The following FAM13A variants were observed in gnomAD, a reference collection of about 807,000 sequenced individuals.
The protein encoded by FAM13A is protein FAM13A.
FAM13A carries 76 observed loss-of-function variants against 129.6 expected under a neutral mutation model. That is an observed-to-expected ratio of 0.59 (90% confidence interval 0.49 to 0.71). The LOEUF is 0.71. Ranked by LOEUF, FAM13A falls within the 30% of genes least tolerant of loss-of-function variation. FAM13A has a pLI of 0.00. For missense variants in FAM13A, 1,108 were observed against 1,249.3 expected, an observed-to-expected ratio of 0.89 and a Z score of 1.70; for synonymous variants, 443 against 449.9, an observed-to-expected ratio of 0.98 and a Z score of 0.20.
intron 5 of FAM13A, among the ~76,000 whole-genome samples, chr4:88,919,572 G>A (rs1222321079): frequency 6.6e-6 from 1 of 152,236 alleles, no homozygotes; most frequent in Non-Finnish European, 1.5e-5. Flanking sequence ...GGGCAGCCAA[G>A]ATGGCCGAAT....
At chr4:89,052,602 C>G (rs1219010799) in intron 1 of FAM13A, among the ~76,000 whole-genome samples, 3 of 151,784 alleles carry the variant, frequency 2.0e-5, no homozygotes, top group Non-Finnish European at 4.4e-5. Flanking sequence ...TTTAAACTGC[C>G]TTTGGGGTAA....
chr4:88,909,048 T>C (rs1561307236), intron 5 of FAM13A, among the ~76,000 whole-genome samples: 1 of 152,216 alleles, frequency 6.6e-6, no homozygotes. Context: ...AATAGTAAGA[T>C]AAAACATTTT....
intron 4 of FAM13A, among the ~76,000 whole-genome samples, chr4:88,964,603 A>G (rs535955327): frequency 5.1e-4 from 78 of 151,858 alleles, no homozygotes; most frequent in Non-Finnish European, 8.5e-4. Context: ...CTAACATGTA[A>G]TGAATCACCA....
chr4:88,977,744 T>A (rs900627058), intron 4 of FAM13A, among the ~76,000 whole-genome samples: 5 of 152,178 alleles, frequency 3.3e-5, no homozygotes, highest in Non-Finnish European at 7.4e-5. Context: ...TTACTTTTTG[T>A]TTTGAAAACT....
chr4:88,735,091 G>A (rs1428613635), intron 21 of FAM13A, among the ~76,000 whole-genome samples: 1 of 152,148 alleles, frequency 6.6e-6, no homozygotes, highest in Non-Finnish European at 1.5e-5. Flanking sequence ...AGAGGAACTT[G>A]GATAACAAAT....
chr4:88,731,738 T>C, intron 22 of FAM13A: 1 of 519,116 alleles, frequency 1.9e-6, no homozygotes, highest in African/African-American at 1.9e-5. Flanking sequence ...TGTTAAGTGA[T>C]GGGCTGTGAT....
Position 88,875,071 on chromosome 4 carries a change from G to A in FAM13A, c.844-23888C>T, listed in dbSNP as rs572616501. Among the ~76,000 whole-genome samples, 6 of 152,270 alleles carry A rather than the reference G, an allele frequency of 3.9e-5. No individual in the cohort carries two copies. The East Asian group carries it at 1.2e-3, about 29-fold the overall frequency. ...TTCCCTATTTAATAAATGGTGCTGG[G>A]AAAACTGGCTAGCCATATGTAGAAA... On this transcript the variant is annotated intron_variant, in intron 6 of 23. Transcript: ENST00000264344.
At chr4:89,001,414 T>C (rs921189273) in intron 3 of FAM13A, among the ~76,000 whole-genome samples, 1 of 152,210 alleles carries the variant, frequency 6.6e-6, no homozygotes, top group African/African-American at 2.4e-5. Context: ...GAATAGTGTA[T>C]ATGTTTGGCA....
intron 7 of FAM13A, among the ~76,000 whole-genome samples, chr4:88,833,072 G>A (rs1218360256): frequency 1.3e-5 from 2 of 152,120 alleles, no homozygotes; most frequent in East Asian, 1.9e-4. Context: ...AGATCATGTC[G>A]TTTTTAGGCA....
intron 5 of FAM13A, among the ~76,000 whole-genome samples, chr4:88,930,357 A>G (rs2704604): frequency 0.75 from 113,700 of 151,948 alleles, 42,824 homozygotes; most frequent in Non-Finnish European, 0.79. Flanking sequence ...GGAGAATTTT[A>G]TTCTGAAGAT....
At chr4:88,793,531 T>TA (rs966848782) in intron 8 of FAM13A, among the ~76,000 whole-genome samples, 1 of 151,942 alleles carries the variant, frequency 6.6e-6, no homozygotes, top group Non-Finnish European at 1.5e-5. Flanking sequence ...TATAAAGCAT[T>TA]AGGAGAAGAT....
chr4:88,847,952 C>CCAAA (rs35093174), intron 7 of FAM13A, among the ~76,000 whole-genome samples: 61 of 137,040 alleles, frequency 4.5e-4, no homozygotes, highest in Middle Eastern at 3.7e-3. Flanking sequence ...GACTCTGTCC[C>CCAAA]AAAAAAAAAA....
At chr4:88,949,787 A>G (rs1305801125) in intron 4 of FAM13A, among the ~76,000 whole-genome samples, 1 of 152,174 alleles carries the variant, frequency 6.6e-6, no homozygotes, top group East Asian at 1.9e-4. Flanking sequence ...CAGGAACTCA[A>G]TTTATATTAT....
chr4:88,919,366 C>G (rs760330148), intron 5 of FAM13A, among the ~76,000 whole-genome samples: 3 of 152,164 alleles, frequency 2.0e-5, no homozygotes, highest in African/African-American at 7.2e-5. Context: ...TTATTGAATG[C>G]ACTAGAGATG....
chr4:89,044,250 G>A (rs1488837808), intron 1 of FAM13A, among the ~76,000 whole-genome samples: 2 of 152,080 alleles, frequency 1.3e-5, no homozygotes, highest in Non-Finnish European at 2.9e-5. Context: ...AGCCCAGTTC[G>A]AAAATGAACA....
At chr4:88,946,340 G>A (rs1470157767) in intron 4 of FAM13A, among the ~76,000 whole-genome samples, 1 of 148,072 alleles carries the variant, frequency 6.8e-6, no homozygotes, top group Non-Finnish European at 1.5e-5. Flanking sequence ...TAGCTATTAA[G>A]TAGCACCCTT....
chr4:89,010,096 A>C lies in FAM13A; in HGVS notation c.427+10364T>G, dbSNP rs535033380. ...TCCTTGTCGGCAATGTGTCCTGTGA[A>C]ATATAAAATAAGAGTCTTTTTCTAG... On this transcript the variant is annotated intron_variant, in intron 3 of 23. Coordinates refer to ENST00000264344, the MANE Select transcript of FAM13A (RefSeq NM_014883.4). Among the ~76,000 whole-genome samples the C allele has an allele frequency of 7.9e-5, 12 of 152,292 alleles. 1 individual carries two copies. In the South Asian group the frequency reaches 2.5e-3, roughly 32 times the overall value.
At chr4:88,890,395 A>G (rs1448350472) in intron 6 of FAM13A, among the ~76,000 whole-genome samples, 2 of 152,234 alleles carry the variant, frequency 1.3e-5, no homozygotes, top group Non-Finnish European at 2.9e-5. Context: ...ATTTCCCAGC[A>G]GTACTGATCT....
chr4:88,733,573 T>C (rs1195290034), intron 21 of FAM13A, among the ~76,000 whole-genome samples: 1 of 152,220 alleles, frequency 6.6e-6, no homozygotes, highest in Non-Finnish European at 1.5e-5. Flanking sequence ...GGACACTGGC[T>C]GTGCACATCA....
Sources: gnomAD v4.1 joint callset for allele counts (sites outside exome capture counted in the v4.1 genomes callset) on GRCh38, gnomAD v4.1.1 for gene constraint, MANE v1.5 for transcripts, NCBI Gene and HGNC (gene_info 2026-07-23, HGNC 2026-07-21) for gene names.